ASTN2: variants seen among roughly 807,000 people sequenced by gnomAD.
ASTN2 encodes the protein astrotactin 2, also known as astrotactin-2.
ASTN2 carries 54 observed loss-of-function variants against 139.8 expected under a neutral mutation model. The ratio of observed to expected loss-of-function variants is 0.39; its 90% CI spans 0.31 to 0.48. The LOEUF (loss-of-function observed/expected upper bound fraction) is 0.48. Among genes scored for constraint, ASTN2 ranks in the 20% least tolerant of loss-of-function variants. The pLI is 0.95. For synonymous variants in ASTN2, 756 were observed against 719.5 expected, an observed-to-expected ratio of 1.05 and a Z score of -0.81; for missense variants, 1,565 against 1,725.1, an observed-to-expected ratio of 0.91 and a Z score of 1.64.
At chr9:117,241,914 C>T (rs925582962) in intron 2 of ASTN2, among the ~76,000 whole-genome samples, 3 of 148,036 alleles carry the variant, frequency 2.0e-5, no homozygotes, top group South Asian at 2.2e-4. Context: ...CTGAGTAGAA[C>T]GTGCAAGTTA....
intron 11 of ASTN2, among the ~76,000 whole-genome samples, chr9:116,835,211 G>A (rs1831946325): frequency 6.6e-6 from 1 of 152,012 alleles, no homozygotes; most frequent in African/African-American, 2.4e-5. Flanking sequence ...GAGGGGTCTG[G>A]GGAGTCATGC....
At chr9:117,015,773 T>C (rs1272688718) in intron 6 of ASTN2, among the ~76,000 whole-genome samples, 2 of 152,194 alleles carry the variant, frequency 1.3e-5, no homozygotes, top group Admixed American at 1.3e-4. Flanking sequence ...AGTACTTTTT[T>C]TTTCATGCTC....
At chr9:117,010,363 G>T (rs1310804471) in intron 6 of ASTN2, among the ~76,000 whole-genome samples, 1 of 152,164 alleles carries the variant, frequency 6.6e-6, no homozygotes. Flanking sequence ...CAGTCATGCT[G>T]TTTAAATGGA....
intron 19 of ASTN2, among the ~76,000 whole-genome samples, chr9:116,515,699 C>T (rs1019734668): frequency 6.6e-6 from 1 of 152,188 alleles, no homozygotes; most frequent in Non-Finnish European, 1.5e-5. Context: ...CCAAAGGCCA[C>T]CTGACTCCTT....
At chr9:117,329,023 CT>C in intron 1 of ASTN2, among the ~76,000 whole-genome samples, 1 of 152,238 alleles carries the variant, frequency 6.6e-6, no homozygotes, top group Non-Finnish European at 1.5e-5. Context: ...AAAATGTGGC[CT>C]CTTGCTGTAG....
At chr9:116,786,911 T>C (rs1171289289) in intron 13 of ASTN2, among the ~76,000 whole-genome samples, 1 of 152,176 alleles carries the variant, frequency 6.6e-6, no homozygotes, top group Non-Finnish European at 1.5e-5. Flanking sequence ...GTTCTCATAA[T>C]AGTCAGTCAG....
At chr9:117,216,569 G>A (rs1484291256) in intron 2 of ASTN2, among the ~76,000 whole-genome samples, 1 of 152,214 alleles carries the variant, frequency 6.6e-6, no homozygotes, top group Non-Finnish European at 1.5e-5. Context: ...TTAAATATAT[G>A]TGTAAATGCA....
At chr9:116,680,466 T>C (rs532346847) in intron 16 of ASTN2, among the ~76,000 whole-genome samples, 120 of 152,304 alleles carry the variant, frequency 7.9e-4, no homozygotes, top group African/African-American at 2.8e-3. Context: ...CTGGTATCAT[T>C]CCTTCTGAAA....
chr9:116,651,272 CACAAACAA>C (rs964135809), intron 17 of ASTN2, among the ~76,000 whole-genome samples: 4 of 152,206 alleles, frequency 2.6e-5, no homozygotes, highest in South Asian at 2.1e-4. Context: ...TGGGATGTTG[CACAAACAA>C]ACAAACAAAC....
intron 1 of ASTN2, among the ~76,000 whole-genome samples, chr9:117,366,063 G>A (rs1564168517): frequency 6.6e-6 from 1 of 152,100 alleles, no homozygotes; most frequent in Non-Finnish European, 1.5e-5. Context: ...TAAACTCCTT[G>A]AGGGCAGAGG....
intron 16 of ASTN2, among the ~76,000 whole-genome samples, chr9:116,666,983 T>C (rs538033051): frequency 7.5e-6 from 1 of 134,144 alleles, no homozygotes; most frequent in East Asian, 2.3e-4. Flanking sequence ...TGAGACAGAG[T>C]CTTGCTCTGT....
At chr9:117,153,979 G>A (rs1306931215) in intron 3 of ASTN2, among the ~76,000 whole-genome samples, 1 of 152,052 alleles carries the variant, frequency 6.6e-6, no homozygotes. Flanking sequence ...GGGATGAGGA[G>A]AGAGCAGAAT....
intron 1 of ASTN2, among the ~76,000 whole-genome samples, chr9:117,348,681 A>G (rs1354525684): frequency 6.6e-6 from 1 of 152,158 alleles, no homozygotes; most frequent in Non-Finnish European, 1.5e-5. Context: ...ATCTGGGCTA[A>G]GATTCTTTCA....
chr9:116,546,294 A>G (rs1227521366), intron 19 of ASTN2, among the ~76,000 whole-genome samples: 2 of 152,190 alleles, frequency 1.3e-5, no homozygotes, highest in East Asian at 3.8e-4. Flanking sequence ...TGGTTTTCAC[A>G]GCATTTACAC....
At chr9:116,839,859 C>T (rs77778324) in intron 11 of ASTN2, among the ~76,000 whole-genome samples, 5,137 of 125,792 alleles carry the variant, frequency 0.041, 253 homozygotes, top group African/African-American at 0.13. Context: ...TATTTTATTT[C>T]ATTATTATTA....
intron 8 of ASTN2, 33 bp downstream of exon 8, chr9:116,976,668 A>G (rs1405124119): frequency 8.7e-6 from 14 of 1,602,152 alleles, no homozygotes; most frequent in Non-Finnish European, 1.0e-5. Context: ...TGGGTCCTGC[A>G]CTGTCCTGGA....
At chr9:116,570,112 G>A (rs1194277601) in intron 19 of ASTN2, among the ~76,000 whole-genome samples, 4 of 152,156 alleles carry the variant, frequency 2.6e-5, no homozygotes, top group Non-Finnish European at 5.9e-5. Flanking sequence ...GTGGTTTCAC[G>A]TTTCTAGCCT....
chr9:116,720,598 T>G (rs1365594711), intron 16 of ASTN2, among the ~76,000 whole-genome samples: 1 of 151,358 alleles, frequency 6.6e-6, no homozygotes, highest in Non-Finnish European at 1.5e-5. Context: ...TTTCCTCTCT[T>G]TCTTGCTCTA....
intron 19 of ASTN2, among the ~76,000 whole-genome samples, chr9:116,601,932 A>C (rs61296461): frequency 4.1e-4 from 60 of 145,180 alleles, no homozygotes; most frequent in African/African-American, 1.7e-3. Flanking sequence ...AATTGAGAAA[A>C]GATTATACAG....
Sources: allele counts gnomAD v4.1 joint callset (sites outside exome capture counted in the v4.1 genomes callset), GRCh38; gene constraint gnomAD v4.1.1; transcripts MANE v1.5; gene names NCBI Gene and HGNC (gene_info 2026-07-23, HGNC 2026-07-21).